NRXN3: variants seen among roughly 807,000 people sequenced by gnomAD.
The protein encoded by NRXN3 is neurexin III.
A neutral mutation model predicts 137.6 loss-of-function variants in NRXN3; 32 were observed. The ratio of observed to expected loss-of-function variants is 0.23; its 90% CI spans 0.18 to 0.31. NRXN3 has a LOEUF of 0.31. NRXN3 is among the 10% of genes least tolerant of loss of function. The pLI is 1.00. For synonymous variants in NRXN3, 798 were observed against 784.5 expected, an observed-to-expected ratio of 1.02 and a Z score of -0.29; for missense variants, 1,574 against 2,062.5, an observed-to-expected ratio of 0.76 and a Z score of 4.59.
intron 4 of NRXN3, among the ~76,000 whole-genome samples, chr14:78,565,043 T>A (rs1034371431): frequency 6.6e-6 from 1 of 152,238 alleles, no homozygotes; most frequent in Non-Finnish European, 1.5e-5. Flanking sequence ...TGACCATATG[T>A]TGTCTATACA....
At chr14:78,358,515 A>C (rs1307214406) in intron 4 of NRXN3, among the ~76,000 whole-genome samples, 1 of 152,164 alleles carries the variant, frequency 6.6e-6, no homozygotes, top group Admixed American at 6.5e-5. Context: ...TTGCTTCAAG[A>C]ACACTAAAAA....
intron 15 of NRXN3, among the ~76,000 whole-genome samples, chr14:79,001,222 A>T (rs1442151760): frequency 6.6e-6 from 1 of 152,154 alleles, no homozygotes; most frequent in Admixed American, 6.5e-5. Context: ...AGTCCTTGAC[A>T]GTCTTTGAGC....
At chr14:79,775,395 C>A (rs1260879293) in intron 19 of NRXN3, among the ~76,000 whole-genome samples, 1 of 152,028 alleles carries the variant, frequency 6.6e-6, no homozygotes. Flanking sequence ...TTACTGTTCG[C>A]AGTCATCTAA....
chr14:78,802,923 G>A (rs2098843872), intron 8 of NRXN3, among the ~76,000 whole-genome samples: 1 of 152,176 alleles, frequency 6.6e-6, no homozygotes, highest in African/African-American at 2.4e-5. Flanking sequence ...TCCAGCCTAG[G>A]CAACAGAGTG....
chr14:79,032,824 ATC>A (rs2099610163), intron 15 of NRXN3, among the ~76,000 whole-genome samples: 1 of 152,106 alleles, frequency 6.6e-6, no homozygotes, highest in African/African-American at 2.4e-5. Flanking sequence ...TCTCTTATCT[ATC>A]TCTTTGCCCT....
chr14:79,448,994 G>A (rs1325510534), intron 15 of NRXN3, among the ~76,000 whole-genome samples: 5 of 152,196 alleles, frequency 3.3e-5, no homozygotes, highest in South Asian at 2.1e-4. Flanking sequence ...CAAAATAAGC[G>A]CTTTATTGAG....
At chr14:78,427,555 C>G (rs1400117092) in intron 4 of NRXN3, among the ~76,000 whole-genome samples, 1 of 152,152 alleles carries the variant, frequency 6.6e-6, no homozygotes, top group Non-Finnish European at 1.5e-5. Context: ...CTGGAAGGAG[C>G]CTTCCGAAGG....
At chr14:78,816,966 A>C (rs993750051) in intron 10 of NRXN3, among the ~76,000 whole-genome samples, 1 of 152,246 alleles carries the variant, frequency 6.6e-6, no homozygotes. Context: ...GTGACAACTT[A>C]TATCAGAAAT....
chr14:79,731,743 C>A (rs1568040106), intron 19 of NRXN3, among the ~76,000 whole-genome samples: 1 of 151,720 alleles, frequency 6.6e-6, no homozygotes. Context: ...CTCAGCCTCT[C>A]AAAGTGCTGG....
At chr14:79,784,995 C>T (rs1419671227) in intron 19 of NRXN3, among the ~76,000 whole-genome samples, 1 of 152,074 alleles carries the variant, frequency 6.6e-6, no homozygotes, top group Non-Finnish European at 1.5e-5. Flanking sequence ...AGAATTGTTA[C>T]CCACAGATAA....
intron 15 of NRXN3, among the ~76,000 whole-genome samples, chr14:79,362,789 C>G (rs932732987): frequency 6.6e-6 from 1 of 152,212 alleles, no homozygotes; most frequent in Admixed American, 6.5e-5. Context: ...CAAATTAACA[C>G]AGTTCCAGCA....
At chr14:78,228,269 G>T (rs2064949108) in intron 1 of NRXN3, among the ~76,000 whole-genome samples, 1 of 149,292 alleles carries the variant, frequency 6.7e-6, no homozygotes, top group Admixed American at 6.8e-5. Context: ...CGATTCTCCT[G>T]TCTCAGCCTC....
At chr14:79,181,213 T>G (rs2062889862) in intron 15 of NRXN3, among the ~76,000 whole-genome samples, 1 of 152,136 alleles carries the variant, frequency 6.6e-6, no homozygotes, top group South Asian at 2.1e-4. Context: ...GATCTTTATC[T>G]GAAAGAAGTC....
intron 4 of NRXN3, among the ~76,000 whole-genome samples, chr14:78,495,862 G>T (rs527625502): frequency 3.0e-4 from 46 of 152,284 alleles, no homozygotes; most frequent in Admixed American, 5.9e-4. Flanking sequence ...TTTTCCCAAA[G>T]AAATTTGCTA....
rs143062670 is a variant in NRXN3, at chr14:78,544,498, T to C, written c.758-100622T>C. ...AATGCTGATGGAGAGTTGAACTTTA[T>C]AATCGGGAAAAGTCCATTCAAATGG... On this transcript the variant is annotated intron_variant, in intron 4 of 20. Transcript: ENST00000335750. Among the ~76,000 whole-genome samples the C allele has an allele frequency of 9.5e-4, 144 of 152,316 alleles. 1 individual carries two copies. Among genetic ancestry groups the C allele is most frequent in the African/African-American group, 3.4e-3 (141 of 41,580 alleles).
intron 15 of NRXN3, among the ~76,000 whole-genome samples, chr14:79,055,768 G>C (rs2099659580): frequency 6.6e-6 from 1 of 152,082 alleles, no homozygotes; most frequent in South Asian, 2.1e-4. Flanking sequence ...GGGAAAGGTG[G>C]GCTGGAGTTA....
intron 4 of NRXN3, among the ~76,000 whole-genome samples, chr14:78,525,370 G>A (rs2096362156): frequency 6.6e-6 from 1 of 152,202 alleles, no homozygotes; most frequent in South Asian, 2.1e-4. Context: ...TGGCCCCCAT[G>A]CCTAGGTGAT....
At chr14:78,215,741 TG>T (rs202098342) in intron 1 of NRXN3, among the ~76,000 whole-genome samples, 2,672 of 98,702 alleles carry the variant, frequency 0.027, 37 homozygotes, top group Middle Eastern at 0.071. Context: ...TCGTTTGTGC[TG>T]GGGGGGTTTC....
At chr14:79,106,734 C>T (rs577303903) in intron 15 of NRXN3, among the ~76,000 whole-genome samples, 1 of 152,038 alleles carries the variant, frequency 6.6e-6, no homozygotes, top group Non-Finnish European at 1.5e-5. Flanking sequence ...TAGTACTTCC[C>T]TATACAGAAC....
Sources: allele counts gnomAD v4.1 joint callset (sites outside exome capture counted in the v4.1 genomes callset), GRCh38; gene constraint gnomAD v4.1.1; transcripts MANE v1.5; gene names NCBI Gene and HGNC (gene_info 2026-07-23, HGNC 2026-07-21).